NFATC2: variants seen among roughly 807,000 people sequenced by gnomAD.
NFATC2 encodes the protein nuclear factor of activated T cells 2, also known as nuclear factor of activated T-cells, cytoplasmic 2.
In NFATC2, 22 loss-of-function variants were observed where a neutral mutation model predicts 87.3. The ratio of observed to expected loss-of-function variants is 0.25; its 90% confidence interval spans 0.18 to 0.36. The LOEUF (loss-of-function observed/expected upper bound fraction) is 0.36, where lower values mean the gene tolerates loss of function less well. NFATC2 is among the 10% of genes least tolerant of loss of function. NFATC2 has a pLI of 1.00. For synonymous variants in NFATC2, 565 were observed against 542.2 expected (o/e 1.04, Z -0.58); for missense variants, 1,149 against 1,259.1 (o/e 0.91, Z 1.32).
Position 51,388,514 on chromosome 20 carries a change from A to T in NFATC2, c.*2982T>A, listed in dbSNP as rs1409610128. ...TACATCATTTCTCTTAAGAAAAAAA[A>T]ATCAACCTATGTGTAAAAAGAGACA... On this transcript the variant is annotated 3_prime_UTR_variant, in exon 11 of 11. Coordinates refer to ENST00000371564, the MANE Select transcript of NFATC2 (RefSeq NM_012340.5). 6.6e-6 allele frequency: 1 copy of T among 151,796 alleles called. No homozygotes were observed. The highest frequency in any genetic ancestry group is 6.6e-5 in the Admixed American group (1 of 15,254). 9.4% of individuals were successfully genotyped at this position (151,796 alleles called of 1,614,324 possible).
chr20:51,504,173 C>A (rs1382065557), intron 3 of NFATC2, among the ~76,000 whole-genome samples: 1 of 152,188 alleles, frequency 6.6e-6, no homozygotes, highest in Non-Finnish European at 1.5e-5. Context: ...CAGGCATGCA[C>A]CACCACACCC....
intron 3 of NFATC2, among the ~76,000 whole-genome samples, chr20:51,486,724 A>G (rs1250908936): frequency 1.3e-5 from 2 of 151,980 alleles, no homozygotes; most frequent in African/African-American, 2.4e-5. Flanking sequence ...TCAGGTTCCT[A>G]TGTGGATCCA....
At chr20:51,395,930 T>C (rs964920890) in intron 10 of NFATC2, among the ~76,000 whole-genome samples, 3 of 151,198 alleles carry the variant, frequency 2.0e-5, no homozygotes, top group Non-Finnish European at 2.9e-5. Flanking sequence ...AAAGCTGCCA[T>C]AGACAGTACG....
intron 1 of NFATC2, among the ~76,000 whole-genome samples, chr20:51,528,085 CAAAAAAA>C (rs56201141): frequency 7.4e-5 from 7 of 94,248 alleles, no homozygotes; most frequent in East Asian, 3.1e-4. Context: ...GAACCTGTCC[CAAAAAAA>C]AAAAAAAAAA....
chr20:51,430,916 T>C (rs1344499002), intron 9 of NFATC2, among the ~76,000 whole-genome samples: 1 of 152,186 alleles, frequency 6.6e-6, no homozygotes, highest in Non-Finnish European at 1.5e-5. Context: ...CGCTACTGCC[T>C]ATAAAATACA....
At chr20:51,459,001 G>T (rs556490032) in intron 5 of NFATC2, among the ~76,000 whole-genome samples, 1 of 152,076 alleles carries the variant, frequency 6.6e-6, no homozygotes, top group African/African-American at 2.4e-5. Context: ...CTGTGACCCT[G>T]GGCAAGTCAC....
chr20:51,528,793 C>T (rs1458539451), intron 1 of NFATC2, among the ~76,000 whole-genome samples: 1 of 152,148 alleles, frequency 6.6e-6, no homozygotes, highest in African/African-American at 2.4e-5. Flanking sequence ...AGAGTGCAGT[C>T]CTGCTCCGCC....
At chr20:51,450,306 C>T (rs2146410340) in intron 6 of NFATC2, among the ~76,000 whole-genome samples, 1 of 152,320 alleles carries the variant, frequency 6.6e-6, no homozygotes, top group South Asian at 2.1e-4. Flanking sequence ...TAGGCCAGCA[C>T]CTGGGGCAGC....
chr20:51,467,742 T>A (rs150590683), intron 5 of NFATC2, among the ~76,000 whole-genome samples: 1 of 152,286 alleles, frequency 6.6e-6, no homozygotes, highest in East Asian at 1.9e-4. Flanking sequence ...CTCTCATACA[T>A]CCTTGTTCAG....
Position 51,473,970 on chromosome 20 carries a change from C to T in NFATC2, c.1708+10G>A. On this transcript the variant is annotated intron_variant, in intron 5 of 10. Transcript: ENST00000371564. ...TCTGAAGAAAGACCGGGCCCCAGGG[C>T]CCAACTTACAGCACTCGATGGGGTT... The T allele has an allele frequency of 6.2e-7, 1 of 1,610,786 alleles. No individual in the cohort carries two copies. Among genetic ancestry groups the T allele is most frequent in the Non-Finnish European group, 8.5e-7 (1 of 1,177,466 alleles).
chr20:51,477,079 C>T lies in NFATC2; in HGVS notation c.1333-1419G>A, dbSNP rs140185729. On this transcript the variant is annotated intron_variant, in intron 3 of 10. Coordinates refer to ENST00000371564, the MANE Select transcript of NFATC2 (RefSeq NM_012340.5). ...AGAAACACTGTATATGCAGGAGACA[C>T]GTACAAAAATGTTTACAAAAACAAA... Among the ~76,000 whole-genome samples, 456 of 152,150 alleles carry T rather than the reference C, an allele frequency of 3.0e-3. 9 individuals carry two copies. The highest frequency in any genetic ancestry group is 0.02 in the Admixed American group (312 of 15,268).
chr20:51,418,948 G>GCCCCCCCCC (rs1163176517), intron 9 of NFATC2, among the ~76,000 whole-genome samples: 1 of 142,404 alleles, frequency 7.0e-6, no homozygotes, highest in South Asian at 2.2e-4. Flanking sequence ...ATAGGCGTGA[G>GCCCCCCCCC]CCACCCCCAC....
intron 3 of NFATC2, among the ~76,000 whole-genome samples, chr20:51,482,418 T>C (rs987442678): frequency 6.6e-5 from 10 of 151,946 alleles, no homozygotes; most frequent in Middle Eastern, 3.4e-3. Context: ...CAGGAAAAAA[T>C]AGACAAGATA....
chr20:51,404,711 G>A (rs1988384708), intron 9 of NFATC2, among the ~76,000 whole-genome samples: 1 of 152,204 alleles, frequency 6.6e-6, no homozygotes, highest in Non-Finnish European at 1.5e-5. Context: ...AGAATGGGCA[G>A]GGCTGAGATC....
At chr20:51,461,636 G>C (rs371131717) in intron 5 of NFATC2, among the ~76,000 whole-genome samples, 1 of 152,228 alleles carries the variant, frequency 6.6e-6, no homozygotes, top group Non-Finnish European at 1.5e-5. Context: ...AAGGTTCAGC[G>C]AAGAAAACTG....
At chr20:51,505,979 G>A (rs757702654) in intron 3 of NFATC2, among the ~76,000 whole-genome samples, 4 of 152,144 alleles carry the variant, frequency 2.6e-5, no homozygotes, top group African/African-American at 7.2e-5. Flanking sequence ...AGCTCTCATC[G>A]CAGGCAGGGC....
At chr20:51,518,718 G>A (rs2076393748) in intron 2 of NFATC2, among the ~76,000 whole-genome samples, 1 of 152,162 alleles carries the variant, frequency 6.6e-6, no homozygotes, top group South Asian at 2.1e-4. Flanking sequence ...TGACTTTAAA[G>A]AATATTTAAC....
chr20:51,397,503 A>G (rs1178574605), intron 10 of NFATC2, among the ~76,000 whole-genome samples: 1 of 152,202 alleles, frequency 6.6e-6, no homozygotes, highest in Non-Finnish European at 1.5e-5. Flanking sequence ...CAAGACACAC[A>G]TTAAAAAGGC....
intron 1 of NFATC2, among the ~76,000 whole-genome samples, chr20:51,556,756 A>G (rs150874300): frequency 1.5e-3 from 224 of 152,344 alleles, no homozygotes; most frequent in African/African-American, 5.1e-3. Context: ...GCATGGAAGC[A>G]GCAATTTTGC....
Sources: gnomAD v4.1 joint callset for allele counts (sites outside exome capture counted in the v4.1 genomes callset) on GRCh38, gnomAD v4.1.1 for gene constraint, MANE v1.5 for transcripts, NCBI Gene and HGNC (gene_info 2026-07-23, HGNC 2026-07-21) for gene names.